MLLT3: variants seen among roughly 807,000 people sequenced by gnomAD.
MLLT3 encodes the protein protein AF-9.
A neutral mutation model predicts 53.2 loss-of-function variants in MLLT3; 4 were observed. That is an observed-to-expected ratio of 0.08 (90% CI 0.04 to 0.17). The LOEUF (loss-of-function observed/expected upper bound fraction) is 0.17, where lower values mean the gene tolerates loss of function less well. MLLT3 is among the 10% of genes least tolerant of loss of function. MLLT3 has a pLI of 1.00. For missense variants in MLLT3, 569 were observed against 684.0 expected (o/e 0.83, Z 1.87); for synonymous variants, 283 against 230.6 (o/e 1.23, Z -2.06).
intron 2 of MLLT3, among the ~76,000 whole-genome samples, chr9:20,488,875 G>C (rs1824877761): frequency 6.6e-6 from 1 of 152,164 alleles, no homozygotes; most frequent in Admixed American, 6.5e-5. Context: ...TTCTTGAAAA[G>C]ACTCACCATG....
chr9:20,507,053 A>G (rs1005719773), intron 2 of MLLT3, among the ~76,000 whole-genome samples: 1 of 152,252 alleles, frequency 6.6e-6, no homozygotes, highest in Non-Finnish European at 1.5e-5. Flanking sequence ...GGCACCCCCT[A>G]AAACCTTTAA....
intron 2 of MLLT3, among the ~76,000 whole-genome samples, chr9:20,508,298 A>T (rs1038820142): frequency 2.0e-5 from 3 of 152,150 alleles, no homozygotes; most frequent in Admixed American, 1.3e-4. Flanking sequence ...TATAAAGAAA[A>T]ATGTCTTCAG....
At chr9:20,530,938 T>C (rs1464731497) in intron 2 of MLLT3, among the ~76,000 whole-genome samples, 3 of 151,606 alleles carry the variant, frequency 2.0e-5, no homozygotes, top group East Asian at 2.0e-4. Flanking sequence ...GCGCTGCTTG[T>C]ACATTTTGAG....
At position 20,621,987 on chromosome 9, in the gene MLLT3, G is replaced by C; in HGVS notation, c.12+258C>G. On this transcript the variant is annotated intron_variant, in intron 1 of 10. Coordinates refer to ENST00000380338, the MANE Select transcript of MLLT3 (RefSeq NM_004529.4). This position sits in a 1 kb window ranked among gnomAD's most constrained non-coding sequence, Gnocchi z 7.0. ...TCTTGTGACTGCAAAGAGGCGAGGA[G>C]GGAGGGAGGCGCGGGGGGTGGAGGG... The C allele has an allele frequency of 7.1e-7, 1 of 1,400,280 alleles. No individual in the cohort carries two copies. Among genetic ancestry groups the C allele is most frequent in the African/African-American group, 1.5e-5 (1 of 66,916 alleles). 86.7% of individuals were successfully genotyped at this position (1,400,280 alleles called of 1,614,324 possible). A position where few individuals can be genotyped will look rare whatever the true frequency, so the allele number is the denominator to read the frequency against.
intron 2 of MLLT3, among the ~76,000 whole-genome samples, chr9:20,588,155 T>C (rs1048864918): frequency 4.6e-5 from 7 of 152,116 alleles, no homozygotes; most frequent in African/African-American, 1.7e-4. Flanking sequence ...TAGTTGTAGA[T>C]ATGCGGCGTT....
intron 2 of MLLT3, among the ~76,000 whole-genome samples, chr9:20,476,285 A>T (rs966261331): frequency 3.9e-5 from 6 of 152,146 alleles, no homozygotes; most frequent in African/African-American, 1.4e-4. Context: ...GACTCAAAGC[A>T]GGTCAGCAGG....
intron 2 of MLLT3, among the ~76,000 whole-genome samples, chr9:20,529,955 C>CT (rs1477355710): frequency 6.6e-6 from 1 of 152,076 alleles, no homozygotes; most frequent in Non-Finnish European, 1.5e-5. Flanking sequence ...TGGGGCTGCA[C>CT]TTTTATCTAC....
Position 20,346,371 on chromosome 9 carries a change from A to T in MLLT3, c.*72T>A. On this transcript the variant is annotated 3_prime_UTR_variant, in exon 11 of 11. Coordinates refer to ENST00000380338, the MANE Select transcript of MLLT3 (RefSeq NM_004529.4). Reference sequence around the variant, plus strand: ...TTCATATAAACAACAAGAACAAAAAATCACAACCAAAAAAAAAAAAAACCA... The same window carrying T: ...TTCATATAAACAACAAGAACAAAAATTCACAACCAAAAAAAAAAAAAACCA... 1 of 1,429,680 alleles carries T rather than the reference A, an allele frequency of 7.0e-7. No homozygotes were observed. The highest frequency in any genetic ancestry group is 9.3e-7 in the Non-Finnish European group (1 of 1,070,204). The allele number at this position is 1,429,680 out of a possible 1,614,324, so 88.6% of individuals were successfully genotyped here.
chr9:20,558,638 A>T (rs902788583), intron 2 of MLLT3, among the ~76,000 whole-genome samples: 1 of 152,194 alleles, frequency 6.6e-6, no homozygotes, highest in Non-Finnish European at 1.5e-5. Context: ...CTGGACCCCT[A>T]GAGAGGCTGA....
At chr9:20,489,602 T>G (rs1480322042) in intron 2 of MLLT3, among the ~76,000 whole-genome samples, 1 of 152,184 alleles carries the variant, frequency 6.6e-6, no homozygotes, top group East Asian at 1.9e-4. Flanking sequence ...AACTTTATAC[T>G]CAGCCATCAC....
chr9:20,467,994 G>A (rs1017805668), intron 2 of MLLT3, among the ~76,000 whole-genome samples: 8 of 152,290 alleles, frequency 5.3e-5, no homozygotes, highest in Admixed American at 3.3e-4. Context: ...TTTAGTGGTC[G>A]AGAGCCAGAG....
At chr9:20,513,658 C>T (rs1467566908) in intron 2 of MLLT3, among the ~76,000 whole-genome samples, 3 of 152,006 alleles carry the variant, frequency 2.0e-5, no homozygotes, top group East Asian at 1.9e-4. Context: ...ATGCAGGGTA[C>T]GGGGGGTCAG....
intron 4 of MLLT3, among the ~76,000 whole-genome samples, chr9:20,432,932 A>G (rs1295069369): frequency 6.6e-6 from 1 of 152,104 alleles, no homozygotes; most frequent in Non-Finnish European, 1.5e-5. Flanking sequence ...GTGCCTTTGA[A>G]TGAATGTATA....
chr9:20,474,783 G>T (rs1824480492), intron 2 of MLLT3, among the ~76,000 whole-genome samples: 1 of 152,082 alleles, frequency 6.6e-6, no homozygotes, highest in Non-Finnish European at 1.5e-5. Context: ...AGCATCCACA[G>T]AAAGCACTTG....
chr9:20,455,227 A>T (rs940663694), intron 3 of MLLT3, among the ~76,000 whole-genome samples: 2 of 152,270 alleles, frequency 1.3e-5, no homozygotes, highest in Non-Finnish European at 2.9e-5. Context: ...AAAGATAATC[A>T]TTATTCTAGC....
chr9:20,427,183 A>T (rs75518809), intron 4 of MLLT3, among the ~76,000 whole-genome samples: 1 of 152,082 alleles, frequency 6.6e-6, no homozygotes, highest in African/African-American at 2.4e-5. Context: ...TCAAATGCAG[A>T]CTATAAATAA....
chr9:20,537,375 T>C (rs1180341459), intron 2 of MLLT3, among the ~76,000 whole-genome samples: 1 of 152,228 alleles, frequency 6.6e-6, no homozygotes, highest in South Asian at 2.1e-4. Flanking sequence ...AAATGATGTA[T>C]TCTTTTTGTA....
rs114813403 is a variant in MLLT3, at chr9:20,592,369, T to C, written c.193+28285A>G. On this transcript the variant is annotated intron_variant, in intron 2 of 10. Coordinates refer to ENST00000380338, the MANE Select transcript of MLLT3 (RefSeq NM_004529.4). ...TATTTACAGCTCTGGAGGCTCTAAG[T>C]CCAAGATGAAGATATCAGCAGGGCT... Among the ~76,000 whole-genome samples, 575 of 152,308 alleles carry C rather than the reference T, an allele frequency of 3.8e-3. 7 individuals carry two copies. Among genetic ancestry groups the C allele is most frequent in the African/African-American group, 0.013 (555 of 41,574 alleles).
chr9:20,442,404 T>C (rs925404096), intron 4 of MLLT3, among the ~76,000 whole-genome samples: 3 of 152,208 alleles, frequency 2.0e-5, no homozygotes, highest in Admixed American at 6.5e-5. Flanking sequence ...CAAAGAACTA[T>C]GTATGAGTTT....
Sources: gnomAD v4.1 joint callset for allele counts (sites outside exome capture counted in the v4.1 genomes callset) on GRCh38, gnomAD v4.1.1 for gene constraint, Gnocchi (gnomAD v3.1) non-coding constraint, MANE v1.5 for transcripts, NCBI Gene and HGNC (gene_info 2026-07-23, HGNC 2026-07-21) for gene names.